EML1: variants seen among roughly 807,000 people sequenced by gnomAD.
EML1 encodes EMAP like 1.
A neutral mutation model predicts 110.4 loss-of-function variants in EML1; 27 were observed. That is an observed-to-expected ratio of 0.24 (90% CI 0.18 to 0.34). The LOEUF (loss-of-function observed/expected upper bound fraction) is 0.34. Ranked by LOEUF, EML1 falls within the 10% of genes least tolerant of loss-of-function variation. The pLI, the probability that EML1 is intolerant of heterozygous loss-of-function variation, is 1.00. For synonymous variants in EML1, 344 were observed against 385.8 expected (o/e 0.89, Z 1.27); for missense variants, 741 against 1,030.9 (o/e 0.72, Z 3.85).
At chr14:99,935,912 A>C (rs1383927449) in intron 17 of EML1, 117 bp from the exon 18 acceptor site, 2 of 950,792 alleles carry the variant, frequency 2.1e-6, no homozygotes, top group Non-Finnish European at 3.2e-6. Flanking sequence ...TCTCTTGGAA[A>C]TAATTCATTA....
At chr14:99,876,645 C>T (rs1012866818) in intron 3 of EML1, among the ~76,000 whole-genome samples, 1 of 152,166 alleles carries the variant, frequency 6.6e-6, no homozygotes, top group Non-Finnish European at 1.5e-5. Context: ...AGCTGTCTCG[C>T]GTGTTGCAGG....
intron 1 of EML1, among the ~76,000 whole-genome samples, chr14:99,829,388 C>A (rs997776983): frequency 3.3e-5 from 5 of 152,162 alleles, no homozygotes; most frequent in Non-Finnish European, 7.3e-5. Context: ...TTTGAGTGAA[C>A]ACTTGAATGA....
intron 1 of EML1, among the ~76,000 whole-genome samples, chr14:99,844,364 A>G (rs1190820978): frequency 6.6e-6 from 1 of 152,064 alleles, no homozygotes; most frequent in Non-Finnish European, 1.5e-5. Flanking sequence ...CTGTAGTCCC[A>G]GCTACTGGGG....
At chr14:99,767,581 T>A (rs1489282372) in intron 1 of EML1, among the ~76,000 whole-genome samples, 1 of 151,678 alleles carries the variant, frequency 6.6e-6, no homozygotes, top group African/African-American at 2.4e-5. Context: ...CTGCACTCCA[T>A]CCTGGTGACA....
chr14:99,904,594 C>T (rs924709996), intron 9 of EML1, among the ~76,000 whole-genome samples: 1 of 152,124 alleles, frequency 6.6e-6, no homozygotes, highest in Non-Finnish European at 1.5e-5. Context: ...CATATATAAA[C>T]ATCACACACA....
rs1483357534 is a variant in EML1 at position 99,796,907 on chromosome 14, GTA to G, written c.67+3366_67+3367del. 3.3e-3 allele frequency among the ~76,000 whole-genome samples: 435 copies of G among 131,124 alleles called. 3 individuals carry two copies. The highest frequency in any genetic ancestry group is 0.015 in the East Asian group (56 of 3,642). The allele number at this position is 131,124 out of a possible 152,430, so 86.0% of individuals were successfully genotyped here. ...GATACCAGTCTAAATCTTTGTGTGT[GTA>G]TGTGTGTGTGTGTGTGTGTGTGTGT... On this transcript the variant is annotated intron_variant, in intron 1 of 21. Transcript: ENST00000262233.
intron 3 of EML1, among the ~76,000 whole-genome samples, chr14:99,877,822 G>A (rs78270912): frequency 0.011 from 1,651 of 152,230 alleles, 32 homozygotes; most frequent in African/African-American, 0.038. Context: ...GCCGCACCCC[G>A]GGTCTCCACC....
chr14:99,869,007 A>G (rs2059150008), intron 3 of EML1, among the ~76,000 whole-genome samples: 1 of 152,110 alleles, frequency 6.6e-6, no homozygotes, highest in Admixed American at 6.5e-5. Flanking sequence ...TTGTGTTTTC[A>G]TATGTCTCCG....
chr14:99,794,324 C>T (rs1595289046), intron 1 of EML1, among the ~76,000 whole-genome samples: 1 of 148,960 alleles, frequency 6.7e-6, no homozygotes, highest in Admixed American at 6.7e-5. Flanking sequence ...AATTCACGCA[C>T]AAAAGTTAAC....
chr14:99,919,435 C>CAG (rs1555404827), intron 16 of EML1, among the ~76,000 whole-genome samples: 60 of 150,024 alleles, frequency 4.0e-4, no homozygotes, highest in African/African-American at 7.5e-4. Flanking sequence ...GACACACACA[C>CAG]ACACACACAC....
At position 99,914,286 on chromosome 14, in the gene EML1, C is replaced by G; in HGVS notation, c.1602C>G (p.Asp534Glu). ...TCCTGCAGGGCACTCTGTCAGGGGA[C>G]TTCACACCCATTACTCAGGTACGAT... ...NFVLQGTLSG[D>E]FTPITQGHTD... Residue 534 changes from aspartate to glutamate, a missense_variant, in exon 14 of 22, where the codon GAC (aspartate) becomes GAG (glutamate). Around this residue, in one of 4 missense-constraint regions of EML1, gnomAD observed 388 missense variants for 605.6 expected, o/e 0.64. Transcript: ENST00000262233. 6.2e-7 allele frequency: 1 copy of G among 1,613,158 alleles called. No homozygotes were observed. Among genetic ancestry groups the G allele is most frequent in the Non-Finnish European group, 8.5e-7 (1 of 1,179,214 alleles).
intron 1 of EML1, among the ~76,000 whole-genome samples, chr14:99,839,817 G>A (rs954257734): frequency 5.9e-5 from 9 of 152,178 alleles, no homozygotes; most frequent in Admixed American, 2.6e-4. Context: ...CGTCAGAGCC[G>A]GAGCTCTTGT....
chr14:99,822,200 G>GTT (rs202105698), intron 1 of EML1, among the ~76,000 whole-genome samples: 1 of 139,322 alleles, frequency 7.2e-6, no homozygotes, highest in African/African-American at 3.3e-5. Flanking sequence ...TAGGACATAT[G>GTT]TTTTTTTTTA....
upstream of EML1, among the ~76,000 whole-genome samples, chr14:99,788,783 G>T (rs1967760): frequency 1.3e-5 from 2 of 152,000 alleles, no homozygotes; most frequent in Non-Finnish European, 2.9e-5. Flanking sequence ...TCATTCCAAA[G>T]GGAAACTTTG....
At chr14:99,757,358 T>C (rs1022841348) in intron 1 of EML1, among the ~76,000 whole-genome samples, 2 of 149,448 alleles carry the variant, frequency 1.3e-5, no homozygotes, top group African/African-American at 4.9e-5. Flanking sequence ...AAAAAAAGAA[T>C]TGTTAAAAAT....
intron 1 of EML1, among the ~76,000 whole-genome samples, chr14:99,838,662 C>T (rs2139795887): frequency 6.6e-6 from 1 of 152,198 alleles, no homozygotes; most frequent in South Asian, 2.1e-4. Context: ...CCAAGCTGTC[C>T]CAGAGCCTGG....
chr14:99,777,377 C>T (rs1379855664), intron 1 of EML1, among the ~76,000 whole-genome samples: 1 of 152,112 alleles, frequency 6.6e-6, no homozygotes, highest in Non-Finnish European at 1.5e-5. Context: ...AATATGTTAC[C>T]CTTGCCTTTT....
intron 1 of EML1, among the ~76,000 whole-genome samples, chr14:99,803,331 A>G (rs1352815156): frequency 6.6e-6 from 1 of 152,244 alleles, no homozygotes; most frequent in Non-Finnish European, 1.5e-5. Flanking sequence ...ACGTGTATCA[A>G]TGTGTATAGT....
chr14:99,889,532 G>A (rs1370373804), intron 4 of EML1, among the ~76,000 whole-genome samples: 2 of 152,166 alleles, frequency 1.3e-5, no homozygotes, highest in Non-Finnish European at 2.9e-5. Flanking sequence ...AGCAGGAGGG[G>A]CGGGGGCTGT....
Sources: allele counts gnomAD v4.1 joint callset (sites outside exome capture counted in the v4.1 genomes callset), GRCh38; gene constraint gnomAD v4.1.1; regional missense constraint gnomAD v4.1.1; transcripts MANE v1.5; gene names NCBI Gene and HGNC (gene_info 2026-07-23, HGNC 2026-07-21).